The following PIK3R6 variants were observed in gnomAD, a reference collection of about 807,000 sequenced individuals.
PIK3R6 encodes phosphoinositide-3-kinase regulatory subunit 6.
Under a neutral mutation model 84.9 loss-of-function variants are expected in PIK3R6, and 91 were observed. The ratio of observed to expected loss-of-function variants is 1.07; its 90% CI spans 0.90 to 1.28. The LOEUF is 1.28. Among genes scored for constraint, PIK3R6 ranks in the 50% most tolerant of loss-of-function variants. The pLI, the probability that PIK3R6 is intolerant of heterozygous loss-of-function variation, is 0.00. For missense variants in PIK3R6, 996 were observed against 985.1 expected (o/e 1.01, Z -0.15); for synonymous variants, 416 against 411.4 (o/e 1.01, Z -0.13).
At chr17:8,823,518 G>A in intron 13 of PIK3R6, 21 bp from the exon 14 acceptor site, 2 of 1,534,426 alleles carry the variant, frequency 1.3e-6, no homozygotes, top group Non-Finnish European at 1.8e-6. Flanking sequence ...GACAGGGAAT[G>A]TCTTCACCAA....
At chr17:8,834,504 G>T (rs934027255) in intron 8 of PIK3R6, among the ~76,000 whole-genome samples, 1 of 151,558 alleles carries the variant, frequency 6.6e-6, no homozygotes, top group Non-Finnish European at 1.5e-5. Context: ...TGATCCTCTT[G>T]TCTTCCGAGT....
rs542802311 is a variant in PIK3R6, at chr17:8,817,990, A to G, written c.1995+1093T>C. On this transcript the variant is annotated intron_variant, in intron 18 of 19. Transcript: ENST00000619866. The stretch of plus-strand genomic sequence containing the variant: ...AGGCTAAGCGGAAGGAGCAGTGGAG[A>G]GGAAGAGGTCAAAGCTGGGGAAAGA... Among the ~76,000 whole-genome samples the G allele has an allele frequency of 4.7e-5, 7 of 148,546 alleles. No homozygotes were observed. In the South Asian group the frequency reaches 6.6e-4, roughly 14 times the overall value.
At chr17:8,822,911 G>A (rs2087788888) in intron 15 of PIK3R6, 85 bp downstream of exon 15, 1 of 1,160,448 alleles carries the variant, frequency 8.6e-7, no homozygotes, top group East Asian at 2.3e-5. Flanking sequence ...GGGCGTGCAG[G>A]CATCATCAGG....
At chr17:8,805,884 C>T (rs760209148) in intron 18 of PIK3R6, among the ~76,000 whole-genome samples, 2 of 151,548 alleles carry the variant, frequency 1.3e-5, no homozygotes, top group Non-Finnish European at 2.9e-5. Flanking sequence ...CACCACTGCA[C>T]TCCAGCCCGG....
At chr17:8,823,119 G>T in intron 14 of PIK3R6, 33 bp from the exon 15 acceptor site, 4 of 1,486,078 alleles carry the variant, frequency 2.7e-6, no homozygotes, top group Non-Finnish European at 3.8e-6. Flanking sequence ...GCATTTCCTG[G>T]TGTGATTTCC....
intron 1 of PIK3R6, among the ~76,000 whole-genome samples, chr17:8,863,269 G>T (rs2089323556): frequency 6.6e-6 from 1 of 151,674 alleles, no homozygotes; most frequent in African/African-American, 2.4e-5. Flanking sequence ...ATATTTATGG[G>T]GTACAAAGTG....
At chr17:8,866,505 A>G (rs12937654) in intron 1 of PIK3R6, among the ~76,000 whole-genome samples, 53,105 of 151,876 alleles carry the variant, frequency 0.35, 10,394 homozygotes, top group African/African-American at 0.5. Flanking sequence ...TCGCACCACT[A>G]CACTCCAGCC....
rs112615226 is a variant in PIK3R6 at position 8,807,690 on chromosome 17, C to A, written c.1996-3537G>T. Reference sequence around the variant, plus strand: ...ATGTGACTTCAGGAACACTTCCCAACACATGGTGGGAAGAGCCTCCAGGGA... The same window carrying A: ...ATGTGACTTCAGGAACACTTCCCAAAACATGGTGGGAAGAGCCTCCAGGGA... On this transcript the variant is annotated intron_variant, in intron 18 of 19. Coordinates refer to ENST00000619866, the MANE Select transcript of PIK3R6 (RefSeq NM_001010855.4). 5.9e-4 allele frequency among the ~76,000 whole-genome samples: 90 copies of A among 152,276 alleles called. 1 individual carries two copies. The highest frequency in any genetic ancestry group is 2.1e-3 in the African/African-American group (87 of 41,552).
chr17:8,811,398 G>T (rs548365556), intron 18 of PIK3R6, among the ~76,000 whole-genome samples: 1 of 148,714 alleles, frequency 6.7e-6, no homozygotes, highest in East Asian at 2.2e-4. Flanking sequence ...TTGTCTTGGG[G>T]ATTAACATTT....
chr17:8,820,073 A>G (rs528221345), intron 17 of PIK3R6, among the ~76,000 whole-genome samples: 1 of 150,450 alleles, frequency 6.6e-6, no homozygotes, highest in African/African-American at 2.4e-5. Context: ...CAGCCTCCCA[A>G]GTAGCTGGGA....
chr17:8,828,736 A>C lies in PIK3R6; in HGVS notation c.1144T>G (p.Leu382Val). 6.2e-7 allele frequency: 1 copy of C among 1,608,860 alleles called. No homozygotes were observed. Among genetic ancestry groups the C allele is most frequent in the Non-Finnish European group, 8.5e-7 (1 of 1,177,524 alleles). The change falls in exon 11 of 20, where the codon TTG becomes GTG. Residue 382 changes from leucine (L) to valine (V), a missense_variant. Physicochemically the swap from Leu to Val is conservative, Grantham distance 32 (BLOSUM62 1). Coordinates refer to ENST00000619866, the MANE Select transcript of PIK3R6 (RefSeq NM_001010855.4). ...GGCCCGTCCCAGCTGCCAGGCATCAAGAAGTCCAGGGGCCATGCACGCTTC... is the reference window on the plus strand; with the variant it reads ...GGCCCGTCCCAGCTGCCAGGCATCACGAAGTCCAGGGGCCATGCACGCTTC... Reference protein sequence around the residue: ...IKKRAWPLDFLMPGSWDGPPG... With the variant: ...IKKRAWPLDFVMPGSWDGPPG...
At chr17:8,832,825 C>T (rs1597407731) in intron 9 of PIK3R6, 64 bp downstream of exon 9, 2 of 1,606,998 alleles carry the variant, frequency 1.2e-6, no homozygotes, top group Admixed American at 1.7e-5. Context: ...CTGGCGCCCC[C>T]TGCTGTGCAG....
At chr17:8,811,383 C>T (rs1339367194) in intron 18 of PIK3R6, among the ~76,000 whole-genome samples, 1 of 148,578 alleles carries the variant, frequency 6.7e-6, no homozygotes, top group Non-Finnish European at 1.5e-5. Flanking sequence ...GAGACATTTT[C>T]CCCATTGTCT....
Position 8,833,022 on chromosome 17 carries a change from C to T in PIK3R6, c.669G>A (p.Glu223=), listed in dbSNP as rs904000016. The T allele has an allele frequency of 6.2e-7, 1 of 1,605,856 alleles. No homozygotes were observed. Among genetic ancestry groups the T allele is most frequent in the East Asian group, 2.2e-5 (1 of 44,690 alleles). ...KLQASPRRTL[E]HYFHAVVAAL... ...CGGCCACCACGGCGTGGAAATAGTG[C>T]TCCAGGGTGCGGCGAGGGCTGGCCT... Residue 223 remains glutamate (E), a synonymous_variant, in exon 9 of 20, where the codon GAG becomes GAA. Coordinates refer to ENST00000619866, the MANE Select transcript of PIK3R6 (RefSeq NM_001010855.4).
rs1326439998 is a variant in PIK3R6 at position 8,835,264 on chromosome 17, G to A, written c.645+9C>T. 2 of 1,526,644 alleles carry A rather than the reference G, an allele frequency of 1.3e-6. No homozygotes were observed. The highest frequency in any genetic ancestry group is 1.9e-5 in the Admixed American group (1 of 52,008). 94.6% of individuals were successfully genotyped at this position (1,526,644 alleles called of 1,614,324 possible). A position where few individuals can be genotyped will look rare whatever the true frequency, so the allele number is the denominator to read the frequency against. ...GGGACTGACAAGGGGCTGCAGGCAGGGCCATTACCTGCAGCTTCCTGTGCA... is the reference window on the plus strand; with the variant it reads ...GGGACTGACAAGGGGCTGCAGGCAGAGCCATTACCTGCAGCTTCCTGTGCA... On this transcript the variant is annotated intron_variant, in intron 8 of 19. Transcript: ENST00000619866.
In PIK3R6 at chr17:8,867,556, C is replaced by T. The variant is rs370571636; in HGVS notation, c.-119G>A. On this transcript the variant is annotated 5_prime_UTR_variant, in exon 1 of 20. Transcript: ENST00000619866. ...TGGTTCGGTGGCAGCTTCTGGGCTC[C>T]CCAAGTCCTTCAGCCAACTCCCCAC... 4 of 504,812 alleles carry T rather than the reference C, an allele frequency of 7.9e-6. No homozygotes were observed. The highest frequency in any genetic ancestry group is 7.7e-5 in the African/African-American group (4 of 51,720). The allele number at this position is 504,812 out of a possible 1,614,324, so 31.3% of individuals were successfully genotyped here.
At chr17:8,866,538 TCAA>T (rs1369076530) in intron 1 of PIK3R6, among the ~76,000 whole-genome samples, 2 of 151,992 alleles carry the variant, frequency 1.3e-5, no homozygotes, top group East Asian at 1.9e-4. Context: ...TGAGACTGTC[TCAA>T]CAACAACAAA....
intron 5 of PIK3R6, 57 bp from the exon 6 acceptor site, chr17:8,836,980 AG>A: frequency 9.0e-6 from 3 of 334,518 alleles, no homozygotes; most frequent in South Asian, 3.9e-5. Flanking sequence ...AAGAGGGAGG[AG>A]GGGGAGGTGA....
chr17:8,832,819 C>T (rs927185904), intron 9 of PIK3R6, 70 bp downstream of exon 9: 20 of 1,601,896 alleles, frequency 1.2e-5, no homozygotes, highest in Non-Finnish European at 1.7e-5. Context: ...TGCTCTCTGG[C>T]GCCCCCTGCT....
Sources: gnomAD v4.1 joint callset for allele counts (sites outside exome capture counted in the v4.1 genomes callset) on GRCh38, gnomAD v4.1.1 for gene constraint, MANE v1.5 for transcripts, NCBI Gene and HGNC (gene_info 2026-07-23, HGNC 2026-07-21) for gene names.